Variants in FUT8 observed in about 807,000 individuals in gnomAD.
FUT8 encodes alpha-(1,6)-fucosyltransferase.
In FUT8, 29 loss-of-function variants were observed where a neutral mutation model predicts 71.3. That is an observed-to-expected ratio of 0.41 (90% CI 0.30 to 0.55). FUT8 has a LOEUF of 0.55. Ranked by LOEUF, FUT8 falls within the 20% of genes least tolerant of loss-of-function variation. The pLI is 0.34. For missense variants in FUT8, 544 were observed against 702.1 expected (o/e 0.77, Z 2.55); for synonymous variants, 254 against 239.3 (o/e 1.06, Z -0.57).
At chr14:65,711,277 A>G (rs1004920272) in intron 7 of FUT8, among the ~76,000 whole-genome samples, 4 of 152,252 alleles carry the variant, frequency 2.6e-5, no homozygotes, top group African/African-American at 9.6e-5. Context: ...AAAGCTGTTA[A>G]TGGAGCAATC....
intron 1 of FUT8, among the ~76,000 whole-genome samples, chr14:65,422,277 C>A (rs569555505): frequency 6.6e-6 from 1 of 151,974 alleles, no homozygotes; most frequent in Admixed American, 6.6e-5. Context: ...TTATCTTTTC[C>A]CTTCAAGGCT....
intron 6 of FUT8, among the ~76,000 whole-genome samples, chr14:65,631,385 C>G: frequency 6.6e-6 from 1 of 150,486 alleles, no homozygotes; most frequent in Non-Finnish European, 1.5e-5. Context: ...TTTTTTTTTC[C>G]TCTTGGTTTG....
At chr14:65,420,690 A>G (rs1043054109) in intron 1 of FUT8, among the ~76,000 whole-genome samples, 2 of 152,052 alleles carry the variant, frequency 1.3e-5, no homozygotes, top group Admixed American at 6.6e-5. Flanking sequence ...TTCAGCACGT[A>G]TAGTTCACCC....
At chr14:65,690,740 T>C in intron 7 of FUT8, among the ~76,000 whole-genome samples, 1 of 151,990 alleles carries the variant, frequency 6.6e-6, no homozygotes, top group Non-Finnish European at 1.5e-5. Context: ...TTTTTTTTTT[T>C]TGAAACAAGA....
At chr14:65,690,132 A>C (rs1182085541) in intron 7 of FUT8, among the ~76,000 whole-genome samples, 1 of 152,176 alleles carries the variant, frequency 6.6e-6, no homozygotes. Flanking sequence ...CCATTTGTTG[A>C]AATACTATCT....
chr14:65,366,004 G>A, the FUT8 span, among the ~76,000 whole-genome samples: 3 of 151,996 alleles, frequency 2.0e-5, no homozygotes, highest in Admixed American at 6.6e-5. Flanking sequence ...TGCCCAGATA[G>A]TTTTTGTATT....
intron 2 of FUT8, among the ~76,000 whole-genome samples, chr14:65,548,256 C>T (rs1250906473): frequency 1.3e-5 from 2 of 151,958 alleles, no homozygotes; most frequent in Non-Finnish European, 2.9e-5. Context: ...ACTTTCAACT[C>T]TTGGGAACCA....
At chr14:65,670,170 G>A (rs1892407861) in intron 7 of FUT8, among the ~76,000 whole-genome samples, 1 of 152,126 alleles carries the variant, frequency 6.6e-6, no homozygotes, top group Non-Finnish European at 1.5e-5. Context: ...AAGTGGTGAA[G>A]GAGTAGAATA....
the FUT8 span, among the ~76,000 whole-genome samples, chr14:65,375,473 T>C: frequency 6.6e-6 from 1 of 151,946 alleles, no homozygotes; most frequent in East Asian, 1.9e-4. Context: ...GTTTTAAAAT[T>C]AGCTGGTTGT....
At chr14:65,421,518 A>G (rs1397664252) in intron 1 of FUT8, among the ~76,000 whole-genome samples, 1 of 152,154 alleles carries the variant, frequency 6.6e-6, no homozygotes, top group African/African-American at 2.4e-5. Context: ...TTCAGTGCCC[A>G]TATCAGAGAA....
At chr14:65,444,445 A>G (rs941422611) in intron 1 of FUT8, among the ~76,000 whole-genome samples, 1 of 152,208 alleles carries the variant, frequency 6.6e-6, no homozygotes, top group African/African-American at 2.4e-5. Context: ...ACTTCTAAGT[A>G]TTTACCCAAG....
upstream of FUT8, among the ~76,000 whole-genome samples, chr14:65,407,544 C>A (rs2065092555): frequency 6.6e-6 from 1 of 152,198 alleles, no homozygotes; most frequent in African/African-American, 2.4e-5. Context: ...CTCAAGTGAT[C>A]CTCCCACCTT....
upstream of FUT8, among the ~76,000 whole-genome samples, chr14:65,406,720 T>C (rs761203533): frequency 2.0e-5 from 3 of 152,166 alleles, no homozygotes; most frequent in Non-Finnish European, 4.4e-5. Context: ...ATTTTTTTAG[T>C]AGAGACAGAG....
intron 7 of FUT8, among the ~76,000 whole-genome samples, chr14:65,686,907 C>T (rs190419639): frequency 9.9e-5 from 15 of 152,146 alleles, no homozygotes; most frequent in Admixed American, 9.8e-4. Context: ...AAGTTTCTTC[C>T]CAGGTTGAGA....
rs1240951235 is a variant in FUT8, at chr14:65,483,316, C to T, written c.-228+27598C>T. Among the ~76,000 whole-genome samples, 1 of 152,194 alleles carries T rather than the reference C, an allele frequency of 6.6e-6. No homozygotes were observed. Among genetic ancestry groups the T allele is most frequent in the African/African-American group, 2.4e-5 (1 of 41,450 alleles). On this transcript the variant is annotated intron_variant, in intron 2 of 10. Coordinates refer to ENST00000673929, the MANE Select transcript of FUT8 (RefSeq NM_001371533.1). The surrounding 1 kb of genome is among the most constrained non-coding windows in gnomAD (Gnocchi z 4.4). Reference sequence around the variant, plus strand: ...TCTGTGTCAGCCTAGGGAGCATTGGCTACTCTTAAGAGTTCTCTTTATTTC... The same window carrying T: ...TCTGTGTCAGCCTAGGGAGCATTGGTTACTCTTAAGAGTTCTCTTTATTTC...
At chr14:65,521,373 T>G (rs1455821161) in intron 2 of FUT8, among the ~76,000 whole-genome samples, 1 of 152,168 alleles carries the variant, frequency 6.6e-6, no homozygotes, top group Non-Finnish European at 1.5e-5. Flanking sequence ...AATGGCTTCT[T>G]TTATACACTC....
In FUT8 at chr14:65,535,082, ATTTTATT is replaced by A. The variant is rs145183285; in HGVS notation, c.-227-26238_-227-26232del. ...ATATGTATATAAATGCTATTTTTTA[ATTTTATT>A]TTTTATTTTTTATTTTATTTTATTT... On this transcript the variant is annotated intron_variant, in intron 2 of 10. Transcript: ENST00000673929. 3.1e-3 allele frequency among the ~76,000 whole-genome samples: 472 copies of A among 150,680 alleles called. 3 individuals carry two copies. In the East Asian group the frequency reaches 0.035, roughly 11 times the overall value.
chr14:65,587,894 A>G lies in FUT8; in HGVS notation c.203+26128A>G, dbSNP rs117846226. ...TTCAGGTTCATGTAAACCAAAGTAA[A>G]TCTTTACTGTTTCCAAGTTGACAGC... On this transcript the variant is annotated intron_variant, in intron 3 of 10. Coordinates refer to ENST00000673929, the MANE Select transcript of FUT8 (RefSeq NM_001371533.1). Among the ~76,000 whole-genome samples the G allele has an allele frequency of 1.4e-3, 210 of 152,316 alleles. 3 individuals are homozygous for G. In the East Asian group the frequency reaches 0.03, roughly 22 times the overall value.
chr14:65,530,771 G>A (rs1323878956), intron 2 of FUT8, among the ~76,000 whole-genome samples: 7 of 149,912 alleles, frequency 4.7e-5, no homozygotes, highest in Non-Finnish European at 1.0e-4. Context: ...CCTGTTTTAT[G>A]GTGCTCTTGC....
Sources: gnomAD v4.1 joint callset for allele counts (sites outside exome capture counted in the v4.1 genomes callset) on GRCh38, gnomAD v4.1.1 for gene constraint, Gnocchi (gnomAD v3.1) non-coding constraint, MANE v1.5 for transcripts, NCBI Gene and HGNC (gene_info 2026-07-23, HGNC 2026-07-21) for gene names.